Variants in PLA2G12A observed in about 807,000 individuals in gnomAD.
PLA2G12A encodes the protein phospholipase A2 group XIIA.
PLA2G12A carries 11 observed loss-of-function variants against 16.0 expected under a neutral mutation model. That is an observed-to-expected ratio of 0.69 (90% CI 0.43 to 1.13). The LOEUF (loss-of-function observed/expected upper bound fraction) is 1.13. Among genes scored for constraint, PLA2G12A ranks in the 50% most tolerant of loss-of-function variants. The pLI, the probability that PLA2G12A is intolerant of heterozygous loss-of-function variation, is 0.00. For synonymous variants in PLA2G12A, 77 were observed against 93.8 expected (o/e 0.82, Z 1.03); for missense variants, 214 against 237.3 (o/e 0.90, Z 0.65).
chr4:109,719,381 A>G (rs1265700502), intron 1 of PLA2G12A, among the ~76,000 whole-genome samples: 4 of 152,014 alleles, frequency 2.6e-5, no homozygotes, highest in Non-Finnish European at 5.9e-5. Flanking sequence ...CTTCTTTGCC[A>G]TCTAAGGAAA....
rs142820722 is a variant in PLA2G12A, at chr4:109,727,478, C to T, written c.208+2124G>A. Among the ~76,000 whole-genome samples, 783 of 152,158 alleles carry T rather than the reference C, an allele frequency of 5.1e-3. 37 individuals carry two copies. In the East Asian group the frequency reaches 0.069, roughly 13 times the overall value. ...TGACTTGGACTTGAAACCACATGTC[C>T]GTTAAACGTAGAGTACTTACTAAGA... is the stretch of plus-strand genomic sequence containing the variant. On this transcript the variant is annotated intron_variant, in intron 1 of 3. Transcript: ENST00000243501.
rs1171433951 is a variant in PLA2G12A at position 109,720,601 on chromosome 4, AAAAATATATATATATATATATATATAT to A, written c.209-1869_209-1843del. 1.1e-3 allele frequency among the ~76,000 whole-genome samples: 29 copies of A among 25,636 alleles called. No homozygotes were observed. The South Asian group carries it at 0.014, about 12-fold the overall frequency. 16.8% of individuals were successfully genotyped at this position (25,636 alleles called of 152,430 possible). On this transcript the variant is annotated intron_variant, in intron 1 of 3. Transcript: ENST00000243501. ...AAAAAAAAAAAAAAAAAAAAAAAAA[AAAAATATATATATATATATATATATAT>A]ATATATATATATATATGAATTTTAA...
chr4:109,714,544 T>G (rs761452992), intron 3 of PLA2G12A, 49 bp from the exon 4 acceptor site: 1 of 1,195,176 alleles, frequency 8.4e-7, no homozygotes, highest in South Asian at 1.2e-5. Context: ...CATTGCTCTT[T>G]TCACCTATGT....
intron 1 of PLA2G12A, among the ~76,000 whole-genome samples, chr4:109,722,451 G>A (rs753288758): frequency 1.3e-5 from 2 of 152,226 alleles, no homozygotes; most frequent in African/African-American, 2.4e-5. Context: ...CATGTGGACA[G>A]ATCTCTCATG....
In PLA2G12A at chr4:109,716,861, T is replaced by C. The variant is rs182888565; in HGVS notation, c.451+687A>G. On this transcript the variant is annotated intron_variant, in intron 3 of 3. Coordinates refer to ENST00000243501, the MANE Select transcript of PLA2G12A (RefSeq NM_030821.5). The stretch of plus-strand genomic sequence containing the variant: ...CTCCAAATCCAGTGTGCTATACTCT[T>C]AAATTCACTGGTGGTATGGTCTGAA... Among the ~76,000 whole-genome samples, 6 of 152,354 alleles carry C rather than the reference T, an allele frequency of 3.9e-5. No individual in the cohort carries two copies. The East Asian group carries it at 7.7e-4, about 20-fold the overall frequency.
At chr4:109,719,036 G>A (rs866939709) in intron 1 of PLA2G12A, among the ~76,000 whole-genome samples, 6 of 152,052 alleles carry the variant, frequency 3.9e-5, no homozygotes, top group Non-Finnish European at 7.4e-5. Context: ...TATGTCATAC[G>A]AAACATACAA....
chr4:109,718,003 A>G (rs543969077), intron 2 of PLA2G12A, among the ~76,000 whole-genome samples: 8 of 152,322 alleles, frequency 5.3e-5, no homozygotes, highest in East Asian at 1.9e-4. Context: ...AACACAAAAC[A>G]TAAGTTTTAA....
rs1179091551 is a variant in PLA2G12A, at chr4:109,714,193, C to T, written c.*184G>A. On this transcript the variant is annotated 3_prime_UTR_variant, in exon 4 of 4. Transcript: ENST00000243501. ...GAAGATACCTGAGAAGACAAGCGTG[C>T]CCTCCCCTCACTATCTCCCTCACTT... 1.7e-6 allele frequency: 1 copy of T among 592,470 alleles called. No homozygotes were observed. The highest frequency in any genetic ancestry group is 1.9e-5 in the African/African-American group (1 of 53,974). 36.7% of individuals were successfully genotyped at this position (592,470 alleles called of 1,614,324 possible).
Position 109,718,700 on chromosome 4 carries a change from G to A in PLA2G12A, c.268C>T (p.Pro90Ser). 1 of 1,602,578 alleles carries A rather than the reference G, an allele frequency of 6.2e-7. No individual in the cohort carries two copies. Among genetic ancestry groups the A allele is most frequent in the South Asian group, 1.1e-5 (1 of 89,694 alleles). The change falls in exon 2 of 4, where the codon CCA becomes TCA. Residue 90 changes from proline (P) to serine (S), a missense_variant. By Grantham distance (74) the Pro-to-Ser change is moderately conservative. Coordinates refer to ENST00000243501, the MANE Select transcript of PLA2G12A (RefSeq NM_030821.5). ...ATATTTACATGAACACCAAACAGTG[G>A]AGAGCCACATCCATTCGGTGGGGAG... ...KPSPPNGCGS[P>S]LFGVHLNIGI...
intron 2 of PLA2G12A, 109 bp from the exon 3 acceptor site, chr4:109,717,822 T>C (rs1730855366): frequency 1.8e-6 from 2 of 1,099,442 alleles, no homozygotes. Flanking sequence ...GCTGTATAGA[T>C]AGTTCCAAAA....
intron 3 of PLA2G12A, among the ~76,000 whole-genome samples, chr4:109,716,923 A>C (rs1344512388): frequency 6.6e-6 from 1 of 152,076 alleles, no homozygotes; most frequent in Non-Finnish European, 1.5e-5. Context: ...TGAAATCCTA[A>C]CCTCCAAAGT....
intron 1 of PLA2G12A, among the ~76,000 whole-genome samples, chr4:109,720,407 A>G (rs1336043663): frequency 4.6e-5 from 7 of 151,688 alleles, no homozygotes; most frequent in Non-Finnish European, 1.5e-5. Flanking sequence ...CAGCTCTTTC[A>G]GTAATCAACC....
At chr4:109,722,167 G>C (rs1272259775) in intron 1 of PLA2G12A, among the ~76,000 whole-genome samples, 1 of 152,148 alleles carries the variant, frequency 6.6e-6, no homozygotes, top group Non-Finnish European at 1.5e-5. Context: ...GTATAACCTG[G>C]TCTTCCCATG....
In PLA2G12A at chr4:109,712,994, A is replaced by G. The variant is rs919883593; in HGVS notation, c.*1383T>C. 2 of 152,190 alleles carry G rather than the reference A, an allele frequency of 1.3e-5. No homozygotes were observed. Among genetic ancestry groups the G allele is most frequent in the African/African-American group, 4.8e-5 (2 of 41,428 alleles). 9.4% of individuals were successfully genotyped at this position (152,190 alleles called of 1,614,324 possible). On this transcript the variant is annotated 3_prime_UTR_variant, in exon 4 of 4. Transcript: ENST00000243501. ...AAGATACTAGGTTCCCGGCAATGAC[A>G]TATCTCCAAAGTTAGGAACATGGCC...
In PLA2G12A at chr4:109,714,397, CATA is replaced by C; in HGVS notation, c.547_549del (p.Tyr183del). On this transcript the variant is annotated inframe_deletion, in exon 4 of 4. Transcript: ENST00000243501. ...CTCCTTTAAAGATCAGTTTTTTCTT[CATA>C]ATGACACCTGCATGCGGCTCGTTGG... is the stretch of plus-strand genomic sequence containing the variant. 1 of 1,613,144 alleles carries C rather than the reference CATA, an allele frequency of 6.2e-7. No individual in the cohort carries two copies. Among genetic ancestry groups the C allele is most frequent in the Non-Finnish European group, 8.5e-7 (1 of 1,179,100 alleles).
chr4:109,729,099 C>T (rs984406441), intron 1 of PLA2G12A, among the ~76,000 whole-genome samples: 2 of 152,110 alleles, frequency 1.3e-5, no homozygotes, highest in Non-Finnish European at 2.9e-5. Flanking sequence ...CACTCGAGTA[C>T]ACCAAAAGTC....
rs967040340 is a variant in PLA2G12A, at chr4:109,717,578, T to C, written c.421A>G (p.Lys141Glu). ...CLSKICRDVQ[K>E]TLGLTQHVQA... ...ACATGCTGAGTTAGTCCTAGTGTTTTCTGTACATCTCGGCAGATCTTGGAG... is the reference window on the plus strand; with the variant it reads ...ACATGCTGAGTTAGTCCTAGTGTTTCCTGTACATCTCGGCAGATCTTGGAG... The change falls in exon 3 of 4, where the codon AAA (lysine) becomes GAA (glutamate). Residue 141 changes from lysine (K) to glutamate (E), a missense_variant. Transcript: ENST00000243501. The C allele has an allele frequency of 1.7e-5, 28 of 1,613,984 alleles. No individual in the cohort carries two copies. Among genetic ancestry groups the C allele is most frequent in the Non-Finnish European group, 2.3e-5 (27 of 1,179,840 alleles).
rs1730787285 is a variant in PLA2G12A, at chr4:109,714,241, T to A, written c.*136A>T. On this transcript the variant is annotated 3_prime_UTR_variant, in exon 4 of 4. Coordinates refer to ENST00000243501, the MANE Select transcript of PLA2G12A (RefSeq NM_030821.5). The stretch of plus-strand genomic sequence containing the variant: ...CTTTTTTTGCTTTGAGGTTTTAACA[T>A]CAAGATATAAATTATTTTAAGGTCT... 1 of 728,388 alleles carries A rather than the reference T, an allele frequency of 1.4e-6. No individual in the cohort carries two copies. The highest frequency in any genetic ancestry group is 2.2e-5 in the Admixed American group (1 of 45,250). 45.1% of individuals were successfully genotyped at this position (728,388 alleles called of 1,614,324 possible). A position where few individuals can be genotyped will look rare whatever the true frequency, so the allele number is the denominator to read the frequency against.
At chr4:109,728,756 T>A (rs1188761765) in intron 1 of PLA2G12A, among the ~76,000 whole-genome samples, 2 of 152,226 alleles carry the variant, frequency 1.3e-5, no homozygotes, top group Non-Finnish European at 2.9e-5. Flanking sequence ...GCTGCCAGCA[T>A]AATGAGACTC....
Sources: gnomAD v4.1 joint callset for allele counts (sites outside exome capture counted in the v4.1 genomes callset) on GRCh38, gnomAD v4.1.1 for gene constraint, MANE v1.5 for transcripts, NCBI Gene and HGNC (gene_info 2026-07-23, HGNC 2026-07-21) for gene names.